ANKRD11: variants seen among roughly 807,000 people sequenced by gnomAD.
ANKRD11 encodes the protein ankyrin repeat domain 11.
In ANKRD11, 17 loss-of-function variants were observed where a neutral mutation model predicts 195.7. The ratio of observed to expected loss-of-function variants is 0.09; its 90% confidence interval spans 0.06 to 0.13. The LOEUF is 0.13. ANKRD11 is among the 10% of genes least tolerant of loss of function. ANKRD11 has a pLI of 1.00. For synonymous variants in ANKRD11, 1,953 were observed against 1,528.1 expected, an observed-to-expected ratio of 1.28 and a Z score of -6.49; for missense variants, 3,735 against 3,566.1, an observed-to-expected ratio of 1.05 and a Z score of -1.21.
chr16:89,381,211 A>T (rs2040630620), intron 2 of ANKRD11, among the ~76,000 whole-genome samples: 1 of 152,134 alleles, frequency 6.6e-6, no homozygotes, highest in South Asian at 2.1e-4. Context: ...GTGCACCGGT[A>T]ATCCCAGCCA....
intron 2 of ANKRD11, among the ~76,000 whole-genome samples, chr16:89,351,551 C>T (rs2039219153): frequency 6.6e-6 from 1 of 152,204 alleles, no homozygotes; most frequent in Non-Finnish European, 1.5e-5. Flanking sequence ...TACAGACTCT[C>T]GGGCAGGTCT....
At chr16:89,380,500 G>C (rs1034670798) in intron 2 of ANKRD11, among the ~76,000 whole-genome samples, 3 of 152,180 alleles carry the variant, frequency 2.0e-5, no homozygotes, top group Non-Finnish European at 4.4e-5. Flanking sequence ...TCCAGAGAAC[G>C]ACCAGCAGTC....
At chr16:89,427,816 G>T (rs1424380135) in intron 1 of ANKRD11, among the ~76,000 whole-genome samples, 2 of 151,614 alleles carry the variant, frequency 1.3e-5, no homozygotes, top group East Asian at 3.9e-4. Context: ...TCTAGTAATC[G>T]TATGATGCCA....
chr16:89,397,800 C>T (rs1007095266), intron 2 of ANKRD11, among the ~76,000 whole-genome samples: 2 of 152,238 alleles, frequency 1.3e-5, no homozygotes, highest in African/African-American at 4.8e-5. Flanking sequence ...CCCTTGGCAG[C>T]AGGCGGTGGC....
At chr16:89,308,901 G>T (rs1305822289) in intron 3 of ANKRD11, among the ~76,000 whole-genome samples, 2 of 152,190 alleles carry the variant, frequency 1.3e-5, no homozygotes, top group Non-Finnish European at 2.9e-5. Context: ...GGAGGTGCGC[G>T]CAGCCTCGTG....
In ANKRD11 at chr16:89,285,414, T is replaced by C; in HGVS notation, c.1128A>G (p.Lys376=). The C allele has an allele frequency of 1.2e-6, 2 of 1,614,078 alleles. No homozygotes were observed. Among genetic ancestry groups the C allele is most frequent in the Non-Finnish European group, 1.7e-6 (2 of 1,180,022 alleles). The change falls in exon 9 of 13, where the codon AAA becomes AAG. Residue 376 remains lysine, a synonymous_variant. Coordinates refer to ENST00000301030, the MANE Select transcript of ANKRD11 (RefSeq NM_013275.6). The surrounding 1 kb of genome is among the most constrained non-coding windows in gnomAD (Gnocchi z 5.6). Reference sequence around the variant, plus strand: ...TGGGTATAGAGATAAAACTATTGGATTTCGTTTCTTTTCTGTAGTCCTTTT... The same window carrying C: ...TGGGTATAGAGATAAAACTATTGGACTTCGTTTCTTTTCTGTAGTCCTTTT... The part of the protein sequence containing the change: ...LLKKDYRKET[K]SNSFISIPKM...
chr16:89,429,774 A>G (rs1381856143), intron 1 of ANKRD11, among the ~76,000 whole-genome samples: 7 of 53,328 alleles, frequency 1.3e-4, no homozygotes, highest in Admixed American at 3.9e-4. Context: ...CTCAACTCTC[A>G]CGCTCAGTCG....
chr16:89,435,534 C>T (rs1244199044), intron 1 of ANKRD11, among the ~76,000 whole-genome samples: 2 of 152,154 alleles, frequency 1.3e-5, no homozygotes, highest in African/African-American at 2.4e-5. Flanking sequence ...CACGAACCCA[C>T]CAGAAGGAAA....
At position 89,375,656 on chromosome 16, in the gene ANKRD11, T is replaced by C. The variant is rs546179340; in HGVS notation, c.-60+42628A>G. ...TTTAGTAGAGACAGGGGTTTCACCATGTTGGCCAGGCTGGTCTCAAGCTCC... is the reference window on the plus strand; with the variant it reads ...TTTAGTAGAGACAGGGGTTTCACCACGTTGGCCAGGCTGGTCTCAAGCTCC... On this transcript the variant is annotated intron_variant, in intron 2 of 12. Coordinates refer to ENST00000301030, the MANE Select transcript of ANKRD11 (RefSeq NM_013275.6). 1.8e-3 allele frequency among the ~76,000 whole-genome samples: 268 copies of C among 151,854 alleles called. 1 individual carries two copies. The highest frequency in any genetic ancestry group is 5.7e-3 in the African/African-American group (237 of 41,402).
At chr16:89,334,315 T>C (rs1026767999) in intron 2 of ANKRD11, among the ~76,000 whole-genome samples, 6 of 151,972 alleles carry the variant, frequency 3.9e-5, no homozygotes, top group African/African-American at 1.5e-4. Flanking sequence ...GTACTGCCAA[T>C]ACGGCCAAGT....
At chr16:89,302,974 G>A (rs1013238585) in intron 4 of ANKRD11, among the ~76,000 whole-genome samples, 5 of 152,118 alleles carry the variant, frequency 3.3e-5, no homozygotes, top group South Asian at 2.1e-4. Context: ...CCACGCAGGC[G>A]CTAACCATCA....
chr16:89,386,514 G>A (rs1429868202), intron 2 of ANKRD11, among the ~76,000 whole-genome samples: 1 of 152,174 alleles, frequency 6.6e-6, no homozygotes, highest in African/African-American at 2.4e-5. Flanking sequence ...AGGGTGTGGG[G>A]GAAAGGGGGC....
intron 1 of ANKRD11, among the ~76,000 whole-genome samples, chr16:89,466,133 G>A (rs1597495431): frequency 6.6e-6 from 1 of 152,144 alleles, no homozygotes; most frequent in Admixed American, 6.5e-5. Context: ...CACTGGCCGT[G>A]GGCTCAGGCA....
intron 3 of ANKRD11, among the ~76,000 whole-genome samples, chr16:89,314,150 G>A (rs539931195): frequency 5.3e-5 from 8 of 151,998 alleles, no homozygotes; most frequent in Admixed American, 5.2e-4. Flanking sequence ...CTTGAGCCTG[G>A]GGCAGTGGGG....
chr16:89,316,844 G>A (rs777043460), intron 3 of ANKRD11, 89 bp downstream of exon 3: 2 of 1,484,236 alleles, frequency 1.3e-6, no homozygotes. Flanking sequence ...GGAGGGCGGA[G>A]AACAGGCCAC....
intron 1 of ANKRD11, among the ~76,000 whole-genome samples, chr16:89,451,127 T>C (rs1483988176): frequency 6.6e-6 from 1 of 152,194 alleles, no homozygotes; most frequent in Admixed American, 6.5e-5. Context: ...TCTTTACCAC[T>C]TGGTCCTCTG....
At chr16:89,271,856 C>T (rs1453555996) in intron 11 of ANKRD11, 1 of 152,070 alleles carries the variant, frequency 6.6e-6, no homozygotes, top group African/African-American at 2.4e-5. Context: ...TCAAGCAATA[C>T]CCCGAAGCAC....
At chr16:89,423,090 T>C (rs968883033) in intron 1 of ANKRD11, among the ~76,000 whole-genome samples, 4 of 152,172 alleles carry the variant, frequency 2.6e-5, no homozygotes, top group African/African-American at 9.7e-5. Flanking sequence ...GCCACGGTGG[T>C]TTCACAGCTG....
At chr16:89,365,704 G>A (rs1016850844) in intron 2 of ANKRD11, among the ~76,000 whole-genome samples, 2 of 152,188 alleles carry the variant, frequency 1.3e-5, no homozygotes, top group Non-Finnish European at 2.9e-5. Context: ...TCTCTCCGCA[G>A]AAACCCAACG....
Sources: allele counts gnomAD v4.1 joint callset (sites outside exome capture counted in the v4.1 genomes callset), GRCh38; gene constraint gnomAD v4.1.1; non-coding constraint Gnocchi (gnomAD v3.1); transcripts MANE v1.5; gene names NCBI Gene and HGNC (gene_info 2026-07-23, HGNC 2026-07-21).